The following SPOCK3 variants were observed in gnomAD, a reference collection of about 807,000 sequenced individuals.
The protein encoded by SPOCK3 is testican-3.
SPOCK3 carries 30 observed loss-of-function variants against 56.6 expected under a neutral mutation model. The observed-to-expected ratio is 0.53, with a 90% CI of 0.40 to 0.72. The LOEUF (loss-of-function observed/expected upper bound fraction) is 0.72. Among genes scored for constraint, SPOCK3 ranks in the 30% least tolerant of loss-of-function variants. The pLI, the probability that SPOCK3 is intolerant of heterozygous loss-of-function variation, is 0.00. For synonymous variants in SPOCK3, 196 were observed against 183.3 expected (o/e 1.07, Z -0.56); for missense variants, 527 against 530.0 (o/e 0.99, Z 0.06).
intron 6 of SPOCK3, among the ~76,000 whole-genome samples, chr4:166,805,263 C>G (rs1016667531): frequency 6.6e-6 from 1 of 151,922 alleles, no homozygotes; most frequent in African/African-American, 2.4e-5. Flanking sequence ...ATGGAAAATA[C>G]AATGTTACTC....
In SPOCK3 at chr4:167,226,981, A is replaced by G. The variant is rs527849992; in HGVS notation, c.189+7004T>C. Among the ~76,000 whole-genome samples the G allele has an allele frequency of 3.9e-5, 6 of 152,302 alleles. No individual in the cohort carries two copies. In the South Asian group the frequency reaches 1.2e-3, roughly 32 times the overall value. ...GTGGAAGAGAAAGAAATAAATCTGAACTGTCAGTAAAGTATCTGGATTTAC... is the reference window on the plus strand; with the variant it reads ...GTGGAAGAGAAAGAAATAAATCTGAGCTGTCAGTAAAGTATCTGGATTTAC... On this transcript the variant is annotated intron_variant, in intron 2 of 10. Coordinates refer to ENST00000357545, the MANE Select transcript of SPOCK3 (RefSeq NM_001040159.2).
chr4:167,151,526 C>T (rs1040410252), intron 2 of SPOCK3, among the ~76,000 whole-genome samples: 6 of 151,968 alleles, frequency 3.9e-5, no homozygotes, highest in South Asian at 2.1e-4. Flanking sequence ...GCTCCGCCTC[C>T]CAGGTTCACG....
intron 4 of SPOCK3, among the ~76,000 whole-genome samples, chr4:166,931,501 C>T (rs938589598): frequency 1.3e-5 from 2 of 151,992 alleles, no homozygotes; most frequent in African/African-American, 4.8e-5. Context: ...TTTTATTCCC[C>T]TGGAATATAA....
At chr4:166,988,525 A>G (rs1460241283) in intron 4 of SPOCK3, among the ~76,000 whole-genome samples, 1 of 152,134 alleles carries the variant, frequency 6.6e-6, no homozygotes, top group Non-Finnish European at 1.5e-5. Flanking sequence ...ATATTCATCT[A>G]TAGTGATACC....
At chr4:167,177,270 G>T (rs1283943028) in intron 2 of SPOCK3, among the ~76,000 whole-genome samples, 2 of 151,978 alleles carry the variant, frequency 1.3e-5, no homozygotes, top group East Asian at 3.9e-4. Context: ...CAGGAAGAAG[G>T]GACAGAGGGA....
intron 6 of SPOCK3, among the ~76,000 whole-genome samples, chr4:166,838,877 G>A (rs7698253): frequency 0.41 from 61,830 of 149,838 alleles, 13,746 homozygotes; most frequent in South Asian, 0.53. Context: ...CAGGAGAATC[G>A]CTTGAATCCG....
At chr4:166,853,237 G>A (rs1730315196) in intron 6 of SPOCK3, among the ~76,000 whole-genome samples, 1 of 152,120 alleles carries the variant, frequency 6.6e-6, no homozygotes, top group African/African-American at 2.4e-5. Context: ...AGTAATAGAA[G>A]AAGAACTAAA....
At chr4:167,132,817 G>T (rs545321679) in intron 2 of SPOCK3, among the ~76,000 whole-genome samples, 1 of 152,252 alleles carries the variant, frequency 6.6e-6, no homozygotes. Flanking sequence ...TCTTCTGCAT[G>T]TGTCTCATCT....
At chr4:167,037,493 A>T (rs1752861976) in intron 3 of SPOCK3, among the ~76,000 whole-genome samples, 1 of 51,814 alleles carries the variant, frequency 1.9e-5, no homozygotes, top group South Asian at 1.1e-3. Flanking sequence ...AAAAAGAAGA[A>T]GAAAAAAAAA....
At chr4:167,104,824 C>A (rs1338333019) in intron 2 of SPOCK3, among the ~76,000 whole-genome samples, 1 of 150,808 alleles carries the variant, frequency 6.6e-6, no homozygotes, top group African/African-American at 2.4e-5. Context: ...ATAAACGATC[C>A]CAAAAGCAGC....
intron 2 of SPOCK3, among the ~76,000 whole-genome samples, chr4:167,214,966 C>A (rs550260774): frequency 1.3e-5 from 2 of 150,550 alleles, no homozygotes; most frequent in African/African-American, 2.4e-5. Context: ...CGATAATATA[C>A]ATATATATAT....
intron 2 of SPOCK3, among the ~76,000 whole-genome samples, chr4:167,223,137 ATT>A (rs1180064275): frequency 8.6e-6 from 1 of 116,472 alleles, no homozygotes; most frequent in Non-Finnish European, 1.6e-5. Flanking sequence ...ATGAATATAT[ATT>A]TTATATATGA....
intron 2 of SPOCK3, among the ~76,000 whole-genome samples, chr4:167,101,049 C>T (rs745848742): frequency 6.6e-6 from 1 of 152,044 alleles, no homozygotes; most frequent in Non-Finnish European, 1.5e-5. Context: ...TCTTTAGTCT[C>T]GACATTCTCA....
At chr4:167,046,450 CTTTTTTTTTTTT>C (rs67108499) in intron 3 of SPOCK3, among the ~76,000 whole-genome samples, 12 of 53,710 alleles carry the variant, frequency 2.2e-4, no homozygotes, top group Non-Finnish European at 3.7e-4. Flanking sequence ...TTCTGATATT[CTTTTTTTTTTTT>C]TTTTTTTTTT....
chr4:167,044,470 C>T (rs1037394657), intron 3 of SPOCK3, among the ~76,000 whole-genome samples: 9 of 151,782 alleles, frequency 5.9e-5, no homozygotes, highest in Admixed American at 2.0e-4. Flanking sequence ...TTACTTCAGA[C>T]TTAAATTTCT....
chr4:166,737,817 T>C (rs1304560068), intron 9 of SPOCK3, among the ~76,000 whole-genome samples: 2 of 152,196 alleles, frequency 1.3e-5, no homozygotes, highest in Non-Finnish European at 2.9e-5. Flanking sequence ...AATGAACTGC[T>C]TATAGTTCAT....
chr4:166,767,135 A>G (rs1333333739), intron 7 of SPOCK3, among the ~76,000 whole-genome samples: 1 of 151,974 alleles, frequency 6.6e-6, no homozygotes, highest in Admixed American at 6.6e-5. Context: ...TTTTCAAAAA[A>G]CCAGCTTCTG....
intron 6 of SPOCK3, among the ~76,000 whole-genome samples, chr4:166,825,828 G>C (rs1201539013): frequency 1.3e-5 from 2 of 152,062 alleles, no homozygotes; most frequent in Non-Finnish European, 2.9e-5. Flanking sequence ...ACTTATAAGT[G>C]GGAGCTAAGC....
At chr4:167,022,312 T>C (rs951033591) in intron 3 of SPOCK3, among the ~76,000 whole-genome samples, 22 of 152,040 alleles carry the variant, frequency 1.4e-4, no homozygotes, top group African/African-American at 5.3e-4. Context: ...TCAACTGTTC[T>C]GCAACTGAAA....
Sources: allele counts gnomAD v4.1 joint callset (sites outside exome capture counted in the v4.1 genomes callset), GRCh38; gene constraint gnomAD v4.1.1; transcripts MANE v1.5; gene names NCBI Gene and HGNC (gene_info 2026-07-23, HGNC 2026-07-21).